The following GRIK2 variants were observed in gnomAD, a reference collection of about 807,000 sequenced individuals.
GRIK2 encodes glutamate ionotropic receptor kainate type subunit 2, also known as glutamate receptor ionotropic, kainate 2.
Under a neutral mutation model 100.3 loss-of-function variants are expected in GRIK2, and 32 were observed. The observed-to-expected ratio is 0.32, with a 90% CI of 0.24 to 0.43. The LOEUF is 0.43. GRIK2 is among the 20% of genes least tolerant of loss of function. The pLI is 1.00. For missense variants in GRIK2, 843 were observed against 1,114.9 expected (o/e 0.76, Z 3.47); for synonymous variants, 417 against 389.4 (o/e 1.07, Z -0.83).
chr6:101,413,462 G>A (rs1334127974), intron 2 of GRIK2, among the ~76,000 whole-genome samples: 2 of 152,060 alleles, frequency 1.3e-5, no homozygotes, highest in Non-Finnish European at 2.9e-5. Context: ...CAGCATTGGT[G>A]TCTTGTCTGG....
At chr6:101,497,737 T>C (rs1773523269) in intron 2 of GRIK2, among the ~76,000 whole-genome samples, 1 of 152,144 alleles carries the variant, frequency 6.6e-6, no homozygotes, top group African/African-American at 2.4e-5. Context: ...TTTTAAGTTC[T>C]GAATTTTAAA....
intron 11 of GRIK2, among the ~76,000 whole-genome samples, chr6:101,874,709 T>A (rs1785688830): frequency 6.8e-6 from 1 of 147,704 alleles, no homozygotes; most frequent in Non-Finnish European, 1.5e-5. Context: ...TTTCACGATA[T>A]TGATTCTTCC....
chr6:101,605,140 T>C (rs1779386165), intron 2 of GRIK2, among the ~76,000 whole-genome samples: 1 of 152,014 alleles, frequency 6.6e-6, no homozygotes, highest in African/African-American at 2.4e-5. Flanking sequence ...ATGTTGTGGC[T>C]GAAATACAAA....
chr6:101,857,625 T>C (rs1784494935), intron 10 of GRIK2, among the ~76,000 whole-genome samples: 1 of 152,176 alleles, frequency 6.6e-6, no homozygotes, highest in Non-Finnish European at 1.5e-5. Context: ...CTTTTCTCAC[T>C]CTGTAATAGC....
chr6:101,865,622 C>T (rs986468519), intron 11 of GRIK2, among the ~76,000 whole-genome samples: 1 of 152,144 alleles, frequency 6.6e-6, no homozygotes, highest in African/African-American at 2.4e-5. Flanking sequence ...CGTCGTGACT[C>T]ACACCTGTAA....
chr6:101,680,595 C>T (rs1771169873), intron 5 of GRIK2, among the ~76,000 whole-genome samples: 1 of 152,034 alleles, frequency 6.6e-6, no homozygotes, highest in African/African-American at 2.4e-5. Context: ...AAATTTTAAG[C>T]ATTATATAAG....
At chr6:101,436,541 A>G (rs1452770273) in intron 2 of GRIK2, among the ~76,000 whole-genome samples, 1 of 151,946 alleles carries the variant, frequency 6.6e-6, no homozygotes, top group African/African-American at 2.4e-5. Context: ...AGATCCTATG[A>G]TTTATGTTAC....
chr6:101,859,918 G>A (rs1433116164), intron 11 of GRIK2, among the ~76,000 whole-genome samples: 3 of 152,120 alleles, frequency 2.0e-5, no homozygotes, highest in Non-Finnish European at 4.4e-5. Flanking sequence ...GTGAGGAGGG[G>A]TGTTTCTTTC....
chr6:101,960,048 G>GTTTTTTTTTTTTTT (rs3029100), intron 14 of GRIK2, among the ~76,000 whole-genome samples: 15 of 118,250 alleles, frequency 1.3e-4, no homozygotes, highest in East Asian at 5.0e-4. Context: ...TTTTTTTAGT[G>GTTTTTTTTTTTTTT]TTTTGTTTTT....
At chr6:101,906,384 G>GTGTGTGTGTGTGTGTGTGTGTTT (rs1788229978) in intron 12 of GRIK2, among the ~76,000 whole-genome samples, 1 of 151,582 alleles carries the variant, frequency 6.6e-6, no homozygotes, top group East Asian at 1.9e-4. Context: ...GTGTGTGTGT[G>GTGTGTGTGTGTGTGTGTGTGTTT]TTTGTGTGTG....
intron 2 of GRIK2, among the ~76,000 whole-genome samples, chr6:101,502,667 CT>C (rs1404274078): frequency 1.3e-5 from 2 of 151,902 alleles, no homozygotes; most frequent in Non-Finnish European, 2.9e-5. Context: ...AAAGTGATTC[CT>C]TTTGGGAAGA....
chr6:101,856,356 A>G (rs759344025), intron 10 of GRIK2, among the ~76,000 whole-genome samples: 29 of 152,196 alleles, frequency 1.9e-4, no homozygotes, highest in Non-Finnish European at 3.1e-4. Context: ...TATTTGGGAC[A>G]TGTTAAATGT....
intron 2 of GRIK2, among the ~76,000 whole-genome samples, chr6:101,459,912 C>G (rs544621413): frequency 1.3e-5 from 2 of 152,168 alleles, no homozygotes; most frequent in African/African-American, 2.4e-5. Flanking sequence ...CCCACCACCA[C>G]GCCCAGCTAA....
chr6:101,581,021 C>T (rs1778058688), intron 2 of GRIK2, among the ~76,000 whole-genome samples: 1 of 151,858 alleles, frequency 6.6e-6, no homozygotes, highest in South Asian at 2.1e-4. Context: ...TATTTTTCCC[C>T]TGATAGAATG....
intron 12 of GRIK2, among the ~76,000 whole-genome samples, chr6:101,909,608 T>A (rs1247352570): frequency 6.6e-6 from 1 of 150,812 alleles, no homozygotes; most frequent in Non-Finnish European, 1.5e-5. Context: ...TTTGGATAAG[T>A]AAAGCTCCTC....
At chr6:101,622,900 C>T (rs937045793) in intron 3 of GRIK2, among the ~76,000 whole-genome samples, 1 of 151,922 alleles carries the variant, frequency 6.6e-6, no homozygotes, top group Non-Finnish European at 1.5e-5. Context: ...TTGAGAGGTG[C>T]TTCTATAGTC....
At chr6:101,891,634 A>G (rs1787107022) in intron 12 of GRIK2, 2 of 384,944 alleles carry the variant, frequency 5.2e-6, no homozygotes, top group Non-Finnish European at 1.0e-5. Flanking sequence ...AATTAGTTAG[A>G]TATTAAGAAT....
intron 7 of GRIK2, among the ~76,000 whole-genome samples, chr6:101,705,137 C>A (rs2128355050): frequency 6.6e-6 from 1 of 150,490 alleles, no homozygotes; most frequent in African/African-American, 2.4e-5. Flanking sequence ...GTTTAGATTA[C>A]TTTTCTTTTA....
At chr6:101,513,944 A>G (rs943685673) in intron 2 of GRIK2, among the ~76,000 whole-genome samples, 1 of 152,174 alleles carries the variant, frequency 6.6e-6, no homozygotes, top group Non-Finnish European at 1.5e-5. Flanking sequence ...ATGATAAGGT[A>G]GAGATCAACA....
Sources: gnomAD v4.1 joint callset for allele counts (sites outside exome capture counted in the v4.1 genomes callset) on GRCh38, gnomAD v4.1.1 for gene constraint, MANE v1.5 for transcripts, NCBI Gene and HGNC (gene_info 2026-07-23, HGNC 2026-07-21) for gene names.